Variants in RAVER2 observed in about 807,000 individuals in gnomAD.
RAVER2 encodes the protein ribonucleoprotein, PTB binding 2, also known as ribonucleoprotein PTB-binding 2.
In RAVER2, 46 loss-of-function variants were observed where a neutral mutation model predicts 78.1. That is an observed-to-expected ratio of 0.59 (90% CI 0.46 to 0.75). RAVER2 has a LOEUF of 0.75. Among genes scored for constraint, RAVER2 ranks in the 30% least tolerant of loss-of-function variants. The probability of loss-of-function intolerance (pLI) is 0.00; values close to 1 mark genes in which losing one functional copy is unlikely to be tolerated. For synonymous variants in RAVER2, 311 were observed against 313.3 expected, an observed-to-expected ratio of 0.99 and a Z score of 0.08; for missense variants, 793 against 837.5, an observed-to-expected ratio of 0.95 and a Z score of 0.66.
At chr1:64,786,999 G>A (rs1652799299) in intron 4 of RAVER2, among the ~76,000 whole-genome samples, 1 of 152,102 alleles carries the variant, frequency 6.6e-6, no homozygotes, top group African/African-American at 2.4e-5. Context: ...TTAGAACAAT[G>A]CCAAGTCTAT....
chr1:64,805,846 AG>A (rs1653403561), intron 8 of RAVER2, among the ~76,000 whole-genome samples: 1 of 152,228 alleles, frequency 6.6e-6, no homozygotes, highest in Non-Finnish European at 1.5e-5. Flanking sequence ...AAGTTAAGCC[AG>A]TGAAGAAATT....
At chr1:64,818,033 G>A (rs1443683067) in intron 11 of RAVER2, among the ~76,000 whole-genome samples, 1 of 152,186 alleles carries the variant, frequency 6.6e-6, no homozygotes, top group African/African-American at 2.4e-5. Context: ...TTATACCATT[G>A]AGAAGTTTCT....
At chr1:64,755,727 T>TTG in intron 1 of RAVER2, among the ~76,000 whole-genome samples, 1 of 126,400 alleles carries the variant, frequency 7.9e-6, no homozygotes, top group Non-Finnish European at 1.7e-5. Context: ...CTTCATAGTT[T>TTG]TTTTTTTTTT....
exon 12 of RAVER2, chr1:64,832,882 A>AAAC (rs1654202172): frequency 6.6e-6 from 1 of 152,514 alleles, no homozygotes; most frequent in South Asian, 2.1e-4. Flanking sequence ...ACTATAGTAC[A>AAAC]AACAAACAAA....
intron 11 of RAVER2, among the ~76,000 whole-genome samples, chr1:64,826,161 G>A (rs1394891465): frequency 6.6e-6 from 1 of 152,230 alleles, no homozygotes; most frequent in African/African-American, 2.4e-5. Context: ...TATACTGAAT[G>A]TCTACTATAT....
At chr1:64,781,623 AC>A in intron 4 of RAVER2, 52 bp downstream of exon 4, 1 of 1,532,258 alleles carries the variant, frequency 6.5e-7, no homozygotes, top group East Asian at 2.3e-5. Context: ...AAATTCTAAT[AC>A]TATTTTAATC....
intron 2 of RAVER2, among the ~76,000 whole-genome samples, chr1:64,774,566 T>G (rs1652410912): frequency 6.6e-6 from 1 of 152,202 alleles, no homozygotes; most frequent in Non-Finnish European, 1.5e-5. Context: ...CCATGCTGTT[T>G]TGGCTACTGT....
chr1:64,782,513 A>T (rs1652658642), intron 4 of RAVER2, among the ~76,000 whole-genome samples: 1 of 152,242 alleles, frequency 6.6e-6, no homozygotes, highest in Non-Finnish European at 1.5e-5. Flanking sequence ...TGAGAAGTGA[A>T]TAGGATTGCC....
chr1:64,831,922 T>TGTATGGCCTACAAAGACC (rs1343584730), exon 12 of RAVER2: 2 of 152,220 alleles, frequency 1.3e-5, no homozygotes, highest in Non-Finnish European at 2.9e-5. Flanking sequence ...CAACAGAGAC[T>TGTATGGCCTACAAAGACC]GTATGGCCTA....
rs200466465 is a variant in RAVER2, at chr1:64,773,867, G to A, written c.317-3756G>A. On this transcript the variant is annotated intron_variant, in intron 2 of 11. Coordinates refer to ENST00000294428, the Ensembl canonical transcript of RAVER2. Reference sequence around the variant, plus strand: ...GTTGTTTCCTGACTTTTTAATGATCGCCATTCTAACTGGTGTGAGATGGTA... The same window carrying A: ...GTTGTTTCCTGACTTTTTAATGATCACCATTCTAACTGGTGTGAGATGGTA... Among the ~76,000 whole-genome samples, 94 of 152,178 alleles carry A rather than the reference G, an allele frequency of 6.2e-4. No homozygotes were observed. The South Asian group carries it at 0.013, about 21-fold the overall frequency.
At chr1:64,791,712 T>G (rs1213710371) in intron 5 of RAVER2, among the ~76,000 whole-genome samples, 3 of 152,194 alleles carry the variant, frequency 2.0e-5, no homozygotes, top group Admixed American at 6.5e-5. Flanking sequence ...CATGAAGGAT[T>G]AGAAGCTCAT....
At chr1:64,804,131 C>T (rs947987916) in intron 6 of RAVER2, among the ~76,000 whole-genome samples, 1 of 152,136 alleles carries the variant, frequency 6.6e-6, no homozygotes, top group African/African-American at 2.4e-5. Flanking sequence ...ACGCTTCCCA[C>T]CCCAACATCA....
At chr1:64,758,083 G>A (rs1419757774) in intron 1 of RAVER2, among the ~76,000 whole-genome samples, 4 of 152,050 alleles carry the variant, frequency 2.6e-5, no homozygotes, top group African/African-American at 4.8e-5. Flanking sequence ...CCTTGCCTGG[G>A]TTCTGACACT....
intron 1 of RAVER2, among the ~76,000 whole-genome samples, chr1:64,767,175 G>T (rs940184111): frequency 8.6e-5 from 13 of 151,940 alleles, no homozygotes; most frequent in Admixed American, 7.9e-4. Context: ...TCCCTCTTGG[G>T]TTGGATTAAA....
Position 64,821,703 on chromosome 1 carries a change from CTGGCTAGCCATA to C in RAVER2, c.1929+6866_1929+6877del, listed in dbSNP as rs1177604078. Among the ~76,000 whole-genome samples, 19 of 152,306 alleles carry C rather than the reference CTGGCTAGCCATA, an allele frequency of 1.2e-4. 1 individual carries two copies. Among genetic ancestry groups the C allele is most frequent in the African/African-American group, 4.1e-4 (17 of 41,578 alleles). On this transcript the variant is annotated intron_variant, in intron 11 of 11. Transcript: ENST00000294428. The stretch of plus-strand genomic sequence containing the variant: ...TATTCGATAAAAGGTGCGGGGATAA[CTGGCTAGCCATA>C]TGCAGAAGATTAAAGCCAGACCTCT...
chr1:64,765,398 A>G (rs1652148295), intron 1 of RAVER2, among the ~76,000 whole-genome samples: 2 of 152,240 alleles, frequency 1.3e-5, no homozygotes, highest in East Asian at 1.9e-4. Flanking sequence ...AAATTATACT[A>G]TAGTCACAGA....
chr1:64,830,963 TA>T lies in RAVER2; in HGVS notation c.2060del (p.Lys687ArgfsTer15). On this transcript the variant is annotated frameshift_variant, in exon 12 of 12. Transcript: ENST00000294428. LOFTEE classifies it high-confidence loss of function. ...GGAGCATATTACATGGAAACTTACT[TA>T]AAAAAGAAGCGAGTATACTGAGTTA... The T allele has an allele frequency of 1.9e-6, 3 of 1,613,524 alleles. No homozygotes were observed. The highest frequency in any genetic ancestry group is 2.5e-6 in the Non-Finnish European group (3 of 1,179,666).
intron 1 of RAVER2, among the ~76,000 whole-genome samples, chr1:64,755,724 G>GTTTTTTTTTTTTT (rs753375050): frequency 1.6e-5 from 1 of 60,634 alleles, no homozygotes; most frequent in African/African-American, 7.2e-5. Context: ...ATGCTTCATA[G>GTTTTTTTTTTTTT]TTTTTTTTTT....
intron 6 of RAVER2, 143 bp from the exon 7 acceptor site, chr1:64,804,591 G>T: frequency 2.1e-6 from 1 of 480,728 alleles, no homozygotes; most frequent in Non-Finnish European, 3.8e-6. Context: ...AATTAGCTTT[G>T]TCTGATAAGT....
Sources: gnomAD v4.1 joint callset for allele counts (sites outside exome capture counted in the v4.1 genomes callset) on GRCh38, gnomAD v4.1.1 for gene constraint, MANE v1.5 for transcripts, NCBI Gene and HGNC (gene_info 2026-07-23, HGNC 2026-07-21) for gene names.